Variants in WDR7 observed in about 807,000 individuals in gnomAD.
WDR7 encodes the protein WD repeat domain 7.
In WDR7, 46 loss-of-function variants were observed where a neutral mutation model predicts 169.4. The ratio of observed to expected loss-of-function variants is 0.27; its 90% CI spans 0.21 to 0.35. WDR7 has a LOEUF of 0.35. WDR7 is among the 10% of genes least tolerant of loss of function. The pLI is 1.00. For synonymous variants in WDR7, 612 were observed against 666.8 expected, an observed-to-expected ratio of 0.92 and a Z score of 1.27; for missense variants, 1,534 against 1,859.3, an observed-to-expected ratio of 0.83 and a Z score of 3.22.
chr18:56,975,168 AGAGGTTGTAGT>A (rs1181831612), intron 26 of WDR7, among the ~76,000 whole-genome samples: 3 of 151,802 alleles, frequency 2.0e-5, no homozygotes, highest in Middle Eastern at 3.2e-3. Flanking sequence ...CCTGGGAGGC[AGAGGTTGTAGT>A]GAGCTGAGAT....
intron 26 of WDR7, among the ~76,000 whole-genome samples, chr18:57,015,423 T>A (rs2048192678): frequency 6.6e-6 from 1 of 152,240 alleles, no homozygotes; most frequent in Admixed American, 6.5e-5. Context: ...ACAAATTGAT[T>A]GCTTGGGAGA....
At position 56,863,571 on chromosome 18, in the gene WDR7, G is replaced by A. The variant is rs566307173; in HGVS notation, c.3305-16373G>A. Among the ~76,000 whole-genome samples the A allele has an allele frequency of 4.0e-5, 6 of 151,604 alleles. No homozygotes were observed. In the East Asian group the frequency reaches 1.2e-3, roughly 29 times the overall value. ...TTTTGAAAAAGTATTACATTTCCTG[G>A]CAAATTATTATAATTGTAAACTTCA... is the stretch of plus-strand genomic sequence containing the variant. On this transcript the variant is annotated intron_variant, in intron 20 of 27. Transcript: ENST00000254442.
intron 20 of WDR7, among the ~76,000 whole-genome samples, chr18:56,857,534 G>A (rs1244365139): frequency 6.6e-6 from 1 of 152,130 alleles, no homozygotes; most frequent in East Asian, 1.9e-4. Flanking sequence ...TGGGATTACA[G>A]GTGTGAGCCA....
At chr18:56,815,077 A>AGG (rs2044941725) in intron 19 of WDR7, among the ~76,000 whole-genome samples, 2 of 152,102 alleles carry the variant, frequency 1.3e-5, no homozygotes, top group Non-Finnish European at 2.9e-5. Flanking sequence ...ATTTCACATA[A>AGG]ATGTTTAAGT....
intron 22 of WDR7, among the ~76,000 whole-genome samples, chr18:56,934,012 T>G (rs2046925113): frequency 6.6e-6 from 1 of 152,230 alleles, no homozygotes; most frequent in African/African-American, 2.4e-5. Flanking sequence ...ATTCTGTGAT[T>G]TTATTGATTT....
intron 20 of WDR7, among the ~76,000 whole-genome samples, chr18:56,859,338 T>C (rs1274085851): frequency 2.0e-5 from 3 of 152,204 alleles, no homozygotes; most frequent in Non-Finnish European, 4.4e-5. Flanking sequence ...GGGTAGTAGG[T>C]AAAAGCATTG....
intron 22 of WDR7, among the ~76,000 whole-genome samples, chr18:56,929,039 C>T (rs943314335): frequency 6.6e-6 from 1 of 152,126 alleles, no homozygotes; most frequent in Non-Finnish European, 1.5e-5. Context: ...AATCCCAGCA[C>T]TCTGGGAGGC....
At chr18:56,674,332 G>T (rs909412658) in intron 2 of WDR7, among the ~76,000 whole-genome samples, 1 of 152,114 alleles carries the variant, frequency 6.6e-6, no homozygotes. Context: ...CCCGAATTTT[G>T]TGTGTAAAGT....
Position 56,879,960 on chromosome 18 carries a change from C to T in WDR7, c.3321C>T (p.Val1107=), listed in dbSNP as rs1401898639. Residue 1107 remains valine (V), a synonymous_variant, in exon 21 of 28, where the codon GTC becomes GTT. Coordinates refer to ENST00000254442, the MANE Select transcript of WDR7 (RefSeq NM_015285.3). The part of the protein sequence containing the change: ...DDITTGCLSS[V]PQMKKISTSY... ...GGTCTTCAGGTTGCTTATCAAGTGT[C>T]CCACAAATGAAAAAAATTTCTACAT... 6.2e-7 allele frequency: 1 copy of T among 1,613,672 alleles called. No individual in the cohort carries two copies. Among genetic ancestry groups the T allele is most frequent in the Non-Finnish European group, 8.5e-7 (1 of 1,179,834 alleles).
intron 20 of WDR7, among the ~76,000 whole-genome samples, chr18:56,818,028 C>CCTG (rs1288252521): frequency 6.6e-6 from 1 of 152,196 alleles, no homozygotes; most frequent in Non-Finnish European, 1.5e-5. Context: ...CAGGCATGAG[C>CCTG]CACTGCACCT....
At chr18:56,893,898 A>G (rs2046297492) in intron 21 of WDR7, among the ~76,000 whole-genome samples, 1 of 152,054 alleles carries the variant, frequency 6.6e-6, no homozygotes, top group South Asian at 2.1e-4. Flanking sequence ...AAAATTGACA[A>G]AACTTTGAAA....
At chr18:56,992,768 C>T (rs1787468) in intron 26 of WDR7, among the ~76,000 whole-genome samples, 93,490 of 151,920 alleles carry the variant, frequency 0.62, 29,328 homozygotes, top group Middle Eastern at 0.73. Context: ...CTAAGCCAAT[C>T]CAATCAATTC....
At chr18:57,012,560 C>T (rs1040903320) in intron 26 of WDR7, among the ~76,000 whole-genome samples, 3 of 152,214 alleles carry the variant, frequency 2.0e-5, no homozygotes, top group Non-Finnish European at 4.4e-5. Flanking sequence ...GCTCCAGCAC[C>T]GCCACAAGCT....
At chr18:56,812,237 G>A (rs1226765024) in intron 19 of WDR7, among the ~76,000 whole-genome samples, 2 of 152,100 alleles carry the variant, frequency 1.3e-5, no homozygotes, top group African/African-American at 4.8e-5. Context: ...ACTGTTAATA[G>A]TATTATGGCT....
chr18:56,986,726 G>A (rs1488055336), intron 26 of WDR7, among the ~76,000 whole-genome samples: 1 of 150,102 alleles, frequency 6.7e-6, no homozygotes, highest in Non-Finnish European at 1.5e-5. Context: ...AATGACGGGG[G>A]AAAATAAAAA....
At chr18:57,017,477 CTGTGTGTGTGTGTGTGTGTGTGTGTGTG>C (rs57440164) in intron 26 of WDR7, among the ~76,000 whole-genome samples, 2 of 134,728 alleles carry the variant, frequency 1.5e-5, no homozygotes, top group Admixed American at 1.5e-4. Flanking sequence ...CCAAGTCATG[CTGTGTGTGTGTGTGTGTGTGTGTGTGTG>C]TGTGTGTGTG....
intron 21 of WDR7, among the ~76,000 whole-genome samples, chr18:56,896,360 G>A (rs1218516367): frequency 6.6e-6 from 1 of 151,702 alleles, no homozygotes; most frequent in East Asian, 1.9e-4. Context: ...ATATGAGAGA[G>A]CAATAGACTA....
At chr18:56,659,387 A>G (rs796371116) in intron 1 of WDR7, among the ~76,000 whole-genome samples, 25 of 152,324 alleles carry the variant, frequency 1.6e-4, no homozygotes, top group African/African-American at 6.0e-4. Flanking sequence ...TTATTTATTC[A>G]AGTATTTGGA....
rs1486540735 is a variant in WDR7 at position 57,015,613 on chromosome 18, G to A, written c.4165-5132G>A. Among the ~76,000 whole-genome samples the A allele has an allele frequency of 2.6e-5, 4 of 152,076 alleles. No individual in the cohort carries two copies. The East Asian group carries it at 5.8e-4, about 22-fold the overall frequency. On this transcript the variant is annotated intron_variant, in intron 26 of 27. Transcript: ENST00000254442. ...CCTGCCAGCCAGCCATGAAATCTAC[G>A]GGCTCCTGTATTGGGATGTCAGAAA...
Sources: allele counts gnomAD v4.1 joint callset (sites outside exome capture counted in the v4.1 genomes callset), GRCh38; gene constraint gnomAD v4.1.1; transcripts MANE v1.5; gene names NCBI Gene and HGNC (gene_info 2026-07-23, HGNC 2026-07-21).